NRG1: variants seen among roughly 807,000 people sequenced by gnomAD.
The protein encoded by NRG1 is neuregulin 1.
NRG1 carries 18 observed loss-of-function variants against 63.8 expected under a neutral mutation model. The observed-to-expected ratio is 0.28, with a 90% CI of 0.19 to 0.42. The LOEUF (loss-of-function observed/expected upper bound fraction) is 0.42. Among genes scored for constraint, NRG1 ranks in the 10% least tolerant of loss-of-function variants. The pLI is 1.00. For synonymous variants in NRG1, 302 were observed against 301.3 expected (o/e 1.00, Z -0.02); for missense variants, 762 against 814.7 (o/e 0.94, Z 0.79).
At chr8:32,192,871 C>G (rs952555081) in intron 1 of NRG1, among the ~76,000 whole-genome samples, 1 of 152,158 alleles carries the variant, frequency 6.6e-6, no homozygotes, top group African/African-American at 2.4e-5. Context: ...CACACACTCC[C>G]ATACACACAT....
intron 11 of NRG1, among the ~76,000 whole-genome samples, chr8:32,762,335 C>A (rs1169193555): frequency 6.6e-6 from 1 of 151,996 alleles, no homozygotes; most frequent in Non-Finnish European, 1.5e-5. Context: ...TGATATTTAT[C>A]CTTAAATGTT....
intron 1 of NRG1, among the ~76,000 whole-genome samples, chr8:31,849,242 G>A (rs1586793685): frequency 1.3e-5 from 2 of 152,260 alleles, no homozygotes; most frequent in Middle Eastern, 6.8e-3. Flanking sequence ...AGATCACCTA[G>A]CTAGTAAATG....
intron 1 of NRG1, among the ~76,000 whole-genome samples, chr8:31,746,811 G>T (rs1452937246): frequency 2.0e-5 from 3 of 151,954 alleles, no homozygotes; most frequent in African/African-American, 7.2e-5. Context: ...ATATACAATT[G>T]AGTACTCTTT....
intron 1 of NRG1, among the ~76,000 whole-genome samples, chr8:31,752,326 T>C (rs1282795399): frequency 6.6e-6 from 1 of 151,902 alleles, no homozygotes; most frequent in Non-Finnish European, 1.5e-5. Context: ...GGCAAGATGA[T>C]TAGATTTAAA....
intron 1 of NRG1, among the ~76,000 whole-genome samples, chr8:32,208,209 T>G (rs1296878545): frequency 6.6e-6 from 1 of 151,996 alleles, no homozygotes; most frequent in Admixed American, 6.6e-5. Flanking sequence ...TGGACTAACA[T>G]TGATCAGGGC....
In NRG1 at chr8:32,316,802, AAAAT is replaced by A. The variant is rs869228331; in HGVS notation, c.38-279022_38-279019del. Among the ~76,000 whole-genome samples the A allele has an allele frequency of 3.2e-4, 5 of 15,688 alleles. No homozygotes were observed. The South Asian group carries it at 6.8e-3, about 21-fold the overall frequency. The allele number at this position is 15,688 out of a possible 152,430, so 10.3% of individuals were successfully genotyped here. On this transcript the variant is annotated intron_variant, in intron 1 of 10. Transcript: ENST00000519301. The stretch of plus-strand genomic sequence containing the variant: ...GTATGTTCTGACTATCAGCTCCAAA[AAAAT>A]AAAATAAAATAAAATAAAATAAAAC...
At chr8:32,766,782 AC>A in exon 12 of NRG1, 1 of 152,266 alleles carries the variant, frequency 6.6e-6, no homozygotes, top group South Asian at 2.1e-4. Flanking sequence ...TATAGTTGGG[AC>A]ATCCTTTGCA....
At chr8:31,994,509 T>C (rs142195097) in intron 1 of NRG1, among the ~76,000 whole-genome samples, 1,678 of 151,408 alleles carry the variant, frequency 0.011, 5 homozygotes, top group Non-Finnish European at 0.016. Flanking sequence ...AAAAAGTTAG[T>C]TGGGCATGGT....
rs12155534 is a variant in NRG1, at chr8:32,025,040, G to A, written c.37+385609G>A. Among the ~76,000 whole-genome samples the A allele has an allele frequency of 5.5e-3, 841 of 152,294 alleles. 6 individuals carry two copies. The highest frequency in any genetic ancestry group is 8.2e-3 in the Non-Finnish European group (555 of 68,006). On this transcript the variant is annotated intron_variant, in intron 1 of 10. Coordinates refer to the NRG1 transcript ENST00000519301. The stretch of plus-strand genomic sequence containing the variant: ...GGTTACTTCTGAAGAATGGGAATGG[G>A]ATGTTGGAGGAGACAGATCTGTCAC...
intron 1 of NRG1, among the ~76,000 whole-genome samples, chr8:31,649,761 G>A (rs1804652662): frequency 1.3e-5 from 2 of 151,566 alleles, no homozygotes; most frequent in Admixed American, 1.3e-4. Context: ...AGTCCTCCAA[G>A]GTCATCATGA....
chr8:32,485,546 A>G (rs1033815099), intron 1 of NRG1, among the ~76,000 whole-genome samples: 3 of 152,092 alleles, frequency 2.0e-5, no homozygotes, highest in Non-Finnish European at 4.4e-5. Flanking sequence ...TGTCTTTTTT[A>G]TTTCATATCC....
chr8:32,200,548 A>AC (rs1013659764), intron 1 of NRG1, among the ~76,000 whole-genome samples: 4 of 152,152 alleles, frequency 2.6e-5, no homozygotes, highest in African/African-American at 9.6e-5. Context: ...TTCACTAGCT[A>AC]CCTCAACTGT....
intron 1 of NRG1, among the ~76,000 whole-genome samples, chr8:32,000,122 C>A (rs1812681253): frequency 6.6e-6 from 1 of 151,942 alleles, no homozygotes; most frequent in African/African-American, 2.4e-5. Context: ...TTGTCAGTTT[C>A]TTTTAAAGCC....
At chr8:32,542,424 A>G (rs960075479) in intron 1 of NRG1, among the ~76,000 whole-genome samples, 3 of 152,220 alleles carry the variant, frequency 2.0e-5, no homozygotes, top group Non-Finnish European at 4.4e-5. Flanking sequence ...TACATATGAA[A>G]GTAATATTTA....
intron 1 of NRG1, among the ~76,000 whole-genome samples, chr8:32,285,702 G>C (rs1277008354): frequency 6.6e-6 from 1 of 152,090 alleles, no homozygotes; most frequent in African/African-American, 2.4e-5. Flanking sequence ...TTTTGATGAG[G>C]TTCCGTATGC....
intron 1 of NRG1, among the ~76,000 whole-genome samples, chr8:32,099,147 A>T (rs1424286755): frequency 2.0e-5 from 3 of 152,144 alleles, no homozygotes; most frequent in Non-Finnish European, 4.4e-5. Context: ...CTTGCTGGGG[A>T]TTTTATGGGA....
At chr8:32,545,240 C>A (rs1257925573), upstream of NRG1, among the ~76,000 whole-genome samples, 2 of 149,940 alleles carry the variant, frequency 1.3e-5, no homozygotes, top group Admixed American at 1.3e-4. Flanking sequence ...AATGTAGTGG[C>A]ACACGATTGC....
At chr8:31,773,283 G>C (rs1818811919) in intron 1 of NRG1, among the ~76,000 whole-genome samples, 1 of 152,098 alleles carries the variant, frequency 6.6e-6, no homozygotes, top group African/African-American at 2.4e-5. Flanking sequence ...CTGTCATTTG[G>C]GTGATAACAT....
chr8:32,605,711 C>T, intron 3 of NRG1, 28 bp downstream of exon 3: 2 of 1,609,742 alleles, frequency 1.2e-6, no homozygotes, highest in Non-Finnish European at 8.5e-7. Flanking sequence ...TATTCTGTTC[C>T]TCAATCTGTA....
Sources: allele counts gnomAD v4.1 joint callset (sites outside exome capture counted in the v4.1 genomes callset), GRCh38; gene constraint gnomAD v4.1.1; transcripts MANE v1.5; gene names NCBI Gene and HGNC (gene_info 2026-07-23, HGNC 2026-07-21).